The following TTC6 variants were observed in gnomAD, a reference collection of about 807,000 sequenced individuals.
TTC6 encodes tetratricopeptide repeat protein 6.
A neutral mutation model predicts 210.4 loss-of-function variants in TTC6; 172 were observed. That is an observed-to-expected ratio of 0.82 (90% CI 0.72 to 0.93). The LOEUF is 0.93. Among genes scored for constraint, TTC6 ranks in the 40% least tolerant of loss-of-function variants. The pLI is 0.00. For missense variants in TTC6, 2,414 were observed against 2,318.1 expected (o/e 1.04, Z -0.85); for synonymous variants, 804 against 819.6 (o/e 0.98, Z 0.32).
At chr14:37,817,237 A>G (rs2096144203) in intron 25 of TTC6, among the ~76,000 whole-genome samples, 2 of 152,178 alleles carry the variant, frequency 1.3e-5, no homozygotes, top group Admixed American at 6.5e-5. Flanking sequence ...ACTGGGAATA[A>G]ACAATAGAAA....
At chr14:37,623,610 T>A (rs2095655341) in intron 1 of TTC6, among the ~76,000 whole-genome samples, 1 of 152,186 alleles carries the variant, frequency 6.6e-6, no homozygotes, top group Non-Finnish European at 1.5e-5. Flanking sequence ...CCCTATCAGG[T>A]CAATAGATAC....
chr14:37,769,407 A>C (rs2096010492), intron 14 of TTC6, among the ~76,000 whole-genome samples: 1 of 152,056 alleles, frequency 6.6e-6, no homozygotes, highest in Admixed American at 6.6e-5. Flanking sequence ...CTCTGGTAGA[A>C]TTCGGCTGTG....
chr14:37,760,953 C>A (rs2095982569), intron 14 of TTC6, among the ~76,000 whole-genome samples: 1 of 152,166 alleles, frequency 6.6e-6, no homozygotes, highest in South Asian at 2.1e-4. Context: ...TGCTGGGCTC[C>A]ATGGGAGTGG....
At chr14:37,755,562 G>GT (rs2095965051) in intron 14 of TTC6, among the ~76,000 whole-genome samples, 1 of 152,186 alleles carries the variant, frequency 6.6e-6, no homozygotes, top group Non-Finnish European at 1.5e-5. Context: ...TGTATAAGGT[G>GT]TAAGGAAGGG....
At chr14:37,749,757 G>T (rs1490808684) in exon 12 of TTC6, 1 of 1,456,362 alleles carries the variant, frequency 6.9e-7, no homozygotes, top group Non-Finnish European at 9.0e-7. Context: ...TATTGGCATC[G>T]ACATTTAATT....
At chr14:37,751,257 A>C in intron 13 of TTC6, 32 bp downstream of exon 15, 1 of 1,472,014 alleles carries the variant, frequency 6.8e-7, no homozygotes. Context: ...TCTACCATTT[A>C]TATAGTTTAG....
chr14:37,693,936 TTAAA>T (rs754145713), intron 3 of TTC6, among the ~76,000 whole-genome samples: 2 of 151,720 alleles, frequency 1.3e-5, no homozygotes, highest in Admixed American at 6.6e-5. Flanking sequence ...TCAAAATTGA[TTAAA>T]TAATTAAATC....
intron 4 of TTC6, among the ~76,000 whole-genome samples, chr14:37,700,340 G>A (rs1298945994): frequency 6.6e-6 from 1 of 152,184 alleles, no homozygotes; most frequent in African/African-American, 2.4e-5. Flanking sequence ...CAGCTTCGTT[G>A]TGGGAATTAG....
intron 1 of TTC6, among the ~76,000 whole-genome samples, chr14:37,660,313 C>T (rs2095734690): frequency 6.6e-6 from 1 of 151,944 alleles, no homozygotes; most frequent in South Asian, 2.1e-4. Context: ...TGGTTTGCTG[C>T]ACCTGTCAAC....
At chr14:37,836,230 A>G (rs978417126) in intron 29 of TTC6, among the ~76,000 whole-genome samples, 4 of 152,144 alleles carry the variant, frequency 2.6e-5, no homozygotes, top group Non-Finnish European at 5.9e-5. Flanking sequence ...CCTTAAGCTA[A>G]TGTCATCTAA....
intron 14 of TTC6, 145 bp from the exon 17 acceptor site, chr14:37,787,323 G>T (rs2096070135): frequency 1.7e-6 from 1 of 576,406 alleles, no homozygotes; most frequent in African/African-American, 1.8e-5. Context: ...CATTTTTGCT[G>T]TTAACATCAT....
At chr14:37,633,315 C>G (rs2095673698) in intron 1 of TTC6, among the ~76,000 whole-genome samples, 1 of 152,216 alleles carries the variant, frequency 6.6e-6, no homozygotes, top group Non-Finnish European at 1.5e-5. Flanking sequence ...AACATAGTAT[C>G]TGGGCTGTAA....
In TTC6 at chr14:37,634,538, A is replaced by G. The variant is rs188099230; in HGVS notation, c.939+11535A>G. ...GTCATCATAGTCCTGGAAGAAGGGG[A>G]AAAAGAGGGCAGGACTGAAAAAGTA... On this transcript the variant is annotated intron_variant, in intron 1 of 30. Coordinates refer to ENST00000553443, the Ensembl canonical transcript of TTC6. 1.7e-3 allele frequency among the ~76,000 whole-genome samples: 256 copies of G among 152,280 alleles called. 1 individual carries two copies. The highest frequency in any genetic ancestry group is 3.3e-3 in the Non-Finnish European group (223 of 68,024).
intron 1 of TTC6, among the ~76,000 whole-genome samples, chr14:37,601,803 G>A (rs2095616093): frequency 2.0e-5 from 3 of 152,162 alleles, no homozygotes; most frequent in Non-Finnish European, 4.4e-5. Flanking sequence ...TGCCCATATA[G>A]GGTGGTCAAC....
intron 1 of TTC6, among the ~76,000 whole-genome samples, chr14:37,639,100 A>G (rs113718753): frequency 0.01 from 1,574 of 152,338 alleles, 12 homozygotes; most frequent in Middle Eastern, 0.044. Flanking sequence ...ATACATTGCT[A>G]TGTATAACTT....
chr14:37,790,728 G>T (rs769137032), exon 16 of TTC6: 13 of 1,533,480 alleles, frequency 8.5e-6, no homozygotes, highest in Non-Finnish European at 1.0e-5. Context: ...ACTCATAAAT[G>T]ATGGCTATGA....
chr14:37,651,426 T>TATATATATATA (rs1491101068), intron 1 of TTC6, among the ~76,000 whole-genome samples: 8 of 15,128 alleles, frequency 5.3e-4, no homozygotes, highest in East Asian at 2.3e-3. Flanking sequence ...TATATATATA[T>TATATATATATA]TTTTTTTTTT....
chr14:37,731,253 T>G (rs2095885334), intron 7 of TTC6, among the ~76,000 whole-genome samples: 1 of 152,214 alleles, frequency 6.6e-6, no homozygotes, highest in Non-Finnish European at 1.5e-5. Context: ...AAGTCATAGC[T>G]GACAGCACTA....
At chr14:37,614,535 A>G (rs2095639521) in intron 2 of TTC6, among the ~76,000 whole-genome samples, 1 of 152,190 alleles carries the variant, frequency 6.6e-6, no homozygotes, top group African/African-American at 2.4e-5. Context: ...TCTCATCTTC[A>G]TTCATTTTTA....
Sources: gnomAD v4.1 joint callset for allele counts (sites outside exome capture counted in the v4.1 genomes callset) on GRCh38, gnomAD v4.1.1 for gene constraint, MANE v1.5 for transcripts, NCBI Gene and HGNC (gene_info 2026-07-23, HGNC 2026-07-21) for gene names.